Variants in CCDC102B observed in about 807,000 individuals in gnomAD.
The protein encoded by CCDC102B is coiled-coil domain-containing protein 102B.
CCDC102B carries 75 observed loss-of-function variants against 57.4 expected under a neutral mutation model. That is an observed-to-expected ratio of 1.31 (90% CI 1.08 to 1.58). CCDC102B has a LOEUF of 1.58. Ranked by LOEUF, CCDC102B falls within the 40% of genes most tolerant of loss-of-function variation. CCDC102B has a pLI of 0.00. For missense variants in CCDC102B, 636 were observed against 582.6 expected, an observed-to-expected ratio of 1.09 and a Z score of -0.94; for synonymous variants, 206 against 201.9, an observed-to-expected ratio of 1.02 and a Z score of -0.17.
chr18:68,842,817 A>G (rs1028058636), intron 3 of CCDC102B, among the ~76,000 whole-genome samples: 1 of 152,174 alleles, frequency 6.6e-6, no homozygotes, highest in Non-Finnish European at 1.5e-5. Context: ...TGTATTCCCC[A>G]GAAATATTTT....
At chr18:68,832,397 T>C (rs193097760) in intron 1 of CCDC102B, among the ~76,000 whole-genome samples, 108 of 152,336 alleles carry the variant, frequency 7.1e-4, no homozygotes, top group African/African-American at 2.5e-3. Flanking sequence ...TTATTGTTTA[T>C]GATTGTTAGC....
At chr18:69,026,923 T>A (rs928153426) in intron 7 of CCDC102B, among the ~76,000 whole-genome samples, 3 of 152,086 alleles carry the variant, frequency 2.0e-5, no homozygotes, top group African/African-American at 7.2e-5. Context: ...CGGGGAAAGG[T>A]CTGGAAAAGT....
At chr18:68,986,826 C>G (rs1425232709) in intron 6 of CCDC102B, among the ~76,000 whole-genome samples, 1 of 152,036 alleles carries the variant, frequency 6.6e-6, no homozygotes, top group African/African-American at 2.4e-5. Flanking sequence ...TACAATAGCC[C>G]CATCCCAAAA....
chr18:68,942,590 G>A (rs2049409041), intron 6 of CCDC102B, among the ~76,000 whole-genome samples: 1 of 151,978 alleles, frequency 6.6e-6, no homozygotes, highest in African/African-American at 2.4e-5. Flanking sequence ...CTTTTGAGGT[G>A]CATATACATA....
At chr18:68,949,479 A>G (rs760920493) in intron 6 of CCDC102B, among the ~76,000 whole-genome samples, 5 of 152,146 alleles carry the variant, frequency 3.3e-5, no homozygotes, top group Non-Finnish European at 7.3e-5. Flanking sequence ...AGGTAGGAAT[A>G]TGCTTGTTTT....
chr18:69,047,952 A>G lies in CCDC102B; in HGVS notation c.1435-6078A>G, dbSNP rs1411726842. Among the ~76,000 whole-genome samples, 2 of 152,308 alleles carry G rather than the reference A, an allele frequency of 1.3e-5. 1 individual carries two copies. The highest frequency in any genetic ancestry group is 4.1e-4 in the South Asian group (2 of 4,832). On this transcript the variant is annotated intron_variant, in intron 7 of 7. Transcript: ENST00000360242. ...GAATCAATATTGTATAAATGGCCAT[A>G]CTGCCCAAAGCAACTTACAGATTAA...
chr18:68,787,371 T>G (rs1217679628), intron 2 of CCDC102B, among the ~76,000 whole-genome samples: 1 of 151,682 alleles, frequency 6.6e-6, no homozygotes, highest in Non-Finnish European at 1.5e-5. Context: ...TTCCCTCTTT[T>G]TCTATTGATT....
intron 7 of CCDC102B, among the ~76,000 whole-genome samples, chr18:69,012,844 A>T (rs576544549): frequency 1.2e-4 from 18 of 152,318 alleles, no homozygotes; most frequent in Admixed American, 1.1e-3. Context: ...AAACAAAACA[A>T]ATTTAACTTA....
chr18:68,808,553 CT>C (rs2036122939), intron 1 of CCDC102B, among the ~76,000 whole-genome samples: 1 of 146,714 alleles, frequency 6.8e-6, no homozygotes, highest in Admixed American at 7.0e-5. Context: ...TCTCCGCTCA[CT>C]GCAAGCTCTG....
chr18:68,866,048 A>G (rs577944729), intron 4 of CCDC102B, among the ~76,000 whole-genome samples: 2 of 152,278 alleles, frequency 1.3e-5, no homozygotes, highest in South Asian at 4.1e-4. Context: ...TCATCCATGA[A>G]CACACAAATT....
chr18:68,972,516 A>T (rs181492567), intron 6 of CCDC102B, among the ~76,000 whole-genome samples: 1 of 152,186 alleles, frequency 6.6e-6, no homozygotes, highest in South Asian at 2.1e-4. Context: ...AGATTTGTCT[A>T]TCTCACCTGG....
chr18:68,935,532 G>T (rs1054481724), intron 6 of CCDC102B, among the ~76,000 whole-genome samples: 3 of 151,922 alleles, frequency 2.0e-5, no homozygotes, highest in African/African-American at 7.2e-5. Flanking sequence ...CAACCATGTG[G>T]CGATGTCAAA....
At chr18:68,769,995 A>G (rs2034587636) in intron 2 of CCDC102B, among the ~76,000 whole-genome samples, 2 of 152,216 alleles carry the variant, frequency 1.3e-5, no homozygotes, top group South Asian at 4.1e-4. Context: ...GGAGGTGGGT[A>G]TAGAGGCTAC....
intron 6 of CCDC102B, among the ~76,000 whole-genome samples, chr18:68,930,064 C>A (rs1171017232): frequency 6.6e-6 from 1 of 151,288 alleles, no homozygotes; most frequent in Non-Finnish European, 1.5e-5. Context: ...TTTCCTAGGA[C>A]TAAGTTTGAT....
At chr18:68,996,454 G>A (rs1432730138) in intron 6 of CCDC102B, among the ~76,000 whole-genome samples, 1 of 152,126 alleles carries the variant, frequency 6.6e-6, no homozygotes, top group Non-Finnish European at 1.5e-5. Context: ...GGCCTATTGG[G>A]GGACTTTACC....
intron 6 of CCDC102B, among the ~76,000 whole-genome samples, chr18:68,966,657 T>C (rs912364545): frequency 1.3e-5 from 2 of 152,126 alleles, no homozygotes; most frequent in African/African-American, 4.8e-5. Context: ...CTGTATCTCA[T>C]TGTTAATGTT....
intron 6 of CCDC102B, among the ~76,000 whole-genome samples, chr18:68,926,785 G>A (rs1341245590): frequency 6.6e-6 from 1 of 151,864 alleles, no homozygotes; most frequent in Non-Finnish European, 1.5e-5. Context: ...TTTCCTTCCA[G>A]GGTGTGTTCA....
At chr18:68,728,482 A>T (rs9964935) in intron 2 of CCDC102B, among the ~76,000 whole-genome samples, 1 of 152,138 alleles carries the variant, frequency 6.6e-6, no homozygotes, top group South Asian at 2.1e-4. Context: ...TCCTCATGTC[A>T]AGGTGAAGCT....
intron 6 of CCDC102B, among the ~76,000 whole-genome samples, chr18:68,917,733 A>G (rs2145096835): frequency 6.6e-6 from 1 of 152,310 alleles, no homozygotes; most frequent in South Asian, 2.1e-4. Flanking sequence ...GCTTTCTTTT[A>G]GCATCATCTG....
Sources: allele counts gnomAD v4.1 joint callset (sites outside exome capture counted in the v4.1 genomes callset), GRCh38; gene constraint gnomAD v4.1.1; transcripts MANE v1.5; gene names NCBI Gene and HGNC (gene_info 2026-07-23, HGNC 2026-07-21).